KIAA1614: variants seen among roughly 807,000 people sequenced by gnomAD.
The protein encoded by KIAA1614 is KIAA1614.
In KIAA1614, 76 loss-of-function variants were observed where a neutral mutation model predicts 88.7. The ratio of observed to expected loss-of-function variants is 0.86; its 90% CI spans 0.71 to 1.04. The LOEUF is 1.04. Ranked by LOEUF, KIAA1614 falls within the 50% of genes least tolerant of loss-of-function variation. The probability of loss-of-function intolerance (pLI) is 0.00; values close to 1 mark genes in which losing one functional copy is unlikely to be tolerated. For synonymous variants in KIAA1614, 714 were observed against 675.5 expected, an observed-to-expected ratio of 1.06 and a Z score of -0.88; for missense variants, 1,553 against 1,582.5, an observed-to-expected ratio of 0.98 and a Z score of 0.32.
Position 180,916,703 on chromosome 1 carries a change from T to A in KIAA1614, c.600T>A (p.Gly200=), listed in dbSNP as rs1044006340. Reference sequence around the variant, plus strand: ...GGACACTTCCTGACCATGACAGAGGTCCGCTGCTGGGGCCCAGCTCTTTGC... The same window carrying A: ...GGACACTTCCTGACCATGACAGAGGACCGCTGCTGGGGCCCAGCTCTTTGC... The part of the protein sequence containing the change: ...AEWTLPDHDR[G]PLLGPSSLQQ... Residue 200 remains glycine, a synonymous_variant, in exon 2 of 9, where the codon GGT becomes GGA. Coordinates refer to ENST00000367588, the MANE Select transcript of KIAA1614 (RefSeq NM_020950.2). The A allele has an allele frequency of 6.2e-6, 10 of 1,611,900 alleles. No individual in the cohort carries two copies. Among genetic ancestry groups the A allele is most frequent in the Non-Finnish European group, 8.5e-6 (10 of 1,178,842 alleles).
chr1:180,945,649 G>T lies in KIAA1614; in HGVS notation c.*61G>T. The T allele has an allele frequency of 2.0e-6, 3 of 1,506,738 alleles. No individual in the cohort carries two copies. Among genetic ancestry groups the T allele is most frequent in the Non-Finnish European group, 2.6e-6 (3 of 1,135,708 alleles). 93.3% of individuals were successfully genotyped at this position (1,506,738 alleles called of 1,614,324 possible). On this transcript the variant is annotated 3_prime_UTR_variant, in exon 9 of 9. Transcript: ENST00000367588. ...TACAGGACTAGGCTTCTCCCCTCAG[G>T]GGCTCTTTCTGAATTGTCCAGGGCT...
chr1:180,940,414 T>C (rs991188182), intron 6 of KIAA1614, among the ~76,000 whole-genome samples: 8 of 152,048 alleles, frequency 5.3e-5, no homozygotes, highest in Non-Finnish European at 7.4e-5. Context: ...GGTGGGAGAC[T>C]AGCTTGAACC....
intron 4 of KIAA1614, among the ~76,000 whole-genome samples, chr1:180,934,417 C>T (rs1040119678): frequency 6.6e-6 from 1 of 151,788 alleles, no homozygotes; most frequent in African/African-American, 2.4e-5. Context: ...AGTGAGACCT[C>T]ATCTATACAA....
In KIAA1614 at chr1:180,935,451, G is replaced by A. The variant is rs376337975; in HGVS notation, c.1542G>A (p.Arg514=). The change falls in exon 5 of 9, where the codon AGG becomes AGA. Residue 514 remains arginine (R), a synonymous_variant. Transcript: ENST00000367588. This position sits in a 1 kb window ranked among gnomAD's most constrained non-coding sequence, Gnocchi z 6.1. The stretch of plus-strand genomic sequence containing the variant: ...ACGCGGGGCAGGGGACATTCCACAG[G>A]CTTGTGGGCAGCCTGGACCGCAGGG... ...LRDAGQGTFH[R]LVGSLDRRGH... The A allele has an allele frequency of 6.8e-7, 1 of 1,473,748 alleles. No individual in the cohort carries two copies. The highest frequency in any genetic ancestry group is 8.9e-7 in the Non-Finnish European group (1 of 1,118,904). 91.3% of individuals were successfully genotyped at this position (1,473,748 alleles called of 1,614,324 possible).
Position 180,950,509 on chromosome 1 carries a change from G to A in KIAA1614, c.*4921G>A, listed in dbSNP as rs773624889. ...CAGAGAGCTTGTCAATCCGTGTCCTGAGGCAGAGACCTGTCCCACGGTGAC... is the reference window on the plus strand; with the variant it reads ...CAGAGAGCTTGTCAATCCGTGTCCTAAGGCAGAGACCTGTCCCACGGTGAC... On this transcript the variant is annotated 3_prime_UTR_variant, in exon 9 of 9. Transcript: ENST00000367588. 1.8e-5 allele frequency: 20 copies of A among 1,128,296 alleles called. No homozygotes were observed. Among genetic ancestry groups the A allele is most frequent in the Non-Finnish European group, 1.8e-5 (16 of 907,654 alleles). The allele number at this position is 1,128,296 out of a possible 1,614,324, so 69.9% of individuals were successfully genotyped here.
chr1:180,919,156 T>G (rs888100081), intron 3 of KIAA1614, among the ~76,000 whole-genome samples: 1 of 152,004 alleles, frequency 6.6e-6, no homozygotes, highest in Admixed American at 6.6e-5. Context: ...AAACACTGAG[T>G]CCACCGTAGT....
intron 5 of KIAA1614, 114 bp from the exon 6 acceptor site, chr1:180,938,441 T>C: frequency 8.3e-7 from 1 of 1,200,238 alleles, no homozygotes; most frequent in Non-Finnish European, 1.2e-6. Context: ...CTCCTTGAGC[T>C]CCACCTCTCC....
In KIAA1614 at chr1:180,916,439, C is replaced by T. The variant is rs1653800761; in HGVS notation, c.336C>T (p.Ser112=). 1.2e-6 allele frequency: 2 copies of T among 1,614,066 alleles called. No homozygotes were observed. Among genetic ancestry groups the T allele is most frequent in the Non-Finnish European group, 1.7e-6 (2 of 1,180,036 alleles). The change falls in exon 2 of 9, where the codon TCC becomes TCT. Residue 112 remains serine (S), a synonymous_variant. Transcript: ENST00000367588. ...SPCSASQEWS[S]PKKPQCRRGK... ...GCTCTGCTTCCCAAGAGTGGTCATCCCCCAAGAAACCCCAATGCAGACGAG... is the reference window on the plus strand; with the variant it reads ...GCTCTGCTTCCCAAGAGTGGTCATCTCCCAAGAAACCCCAATGCAGACGAG...
chr1:180,916,657 C>T lies in KIAA1614; in HGVS notation c.554C>T (p.Pro185Leu), dbSNP rs372280369. The change falls in exon 2 of 9, where the codon CCG becomes CTG. Residue 185 changes from proline (P) to leucine (L), a missense_variant. Transcript: ENST00000367588. ...CGTGAGTACTGCAACAGGGGGAGCC[C>T]GTGGCCTCCAGAAGCCGAATGGACA... is the stretch of plus-strand genomic sequence containing the variant. ...PGREYCNRGS[P>L]WPPEAEWTLP... 7.2e-5 allele frequency: 115 copies of T among 1,600,648 alleles called. No homozygotes were observed. Among genetic ancestry groups the T allele is most frequent in the East Asian group, 4.7e-4 (21 of 44,690 alleles).
chr1:180,938,563 C>T lies in KIAA1614; in HGVS notation c.2770C>T (p.Gln924Ter). Residue 924 changes from glutamine (Q) to a stop codon, truncating the protein, a stop_gained, in exon 6 of 9, where the codon CAG becomes TAG. Transcript: ENST00000367588. LOFTEE classifies it high-confidence loss of function. ...PLENSRDGGP[Q>*]GFLGSADVAT... is the part of the protein sequence containing the mutation. ...TGCTGTGCTTGTTTCAGGAGGACCCCAGGGCTTTCTTGGCTCAGCAGATGT... is the reference window on the plus strand; with the variant it reads ...TGCTGTGCTTGTTTCAGGAGGACCCTAGGGCTTTCTTGGCTCAGCAGATGT... 1 of 1,613,994 alleles carries T rather than the reference C, an allele frequency of 6.2e-7. No homozygotes were observed.
Position 180,916,821 on chromosome 1 carries a change from A to C in KIAA1614, c.718A>C (p.Arg240=). 6.2e-7 allele frequency: 1 copy of C among 1,614,250 alleles called. No individual in the cohort carries two copies. The highest frequency in any genetic ancestry group is 1.3e-5 in the African/African-American group (1 of 75,074). ...CCACATTCCCAGCCCAAGGACAGGA[A>C]GGTCCTACCCTTTTCCAGATGGCGT... ...IIHIPSPRTG[R]SYPFPDGVVT... Residue 240 remains arginine (R), a synonymous_variant, in exon 2 of 9, where the codon AGG becomes CGG. Coordinates refer to ENST00000367588, the MANE Select transcript of KIAA1614 (RefSeq NM_020950.2).
At chr1:180,930,929 CAGTT>C (rs1375420883) in intron 4 of KIAA1614, among the ~76,000 whole-genome samples, 1 of 152,242 alleles carries the variant, frequency 6.6e-6, no homozygotes, top group African/African-American at 2.4e-5. Context: ...CCCCAGGCCT[CAGTT>C]AGATGCAGGA....
rs1247757217 is a variant in KIAA1614 at position 180,945,497 on chromosome 1, C to T, written c.3482C>T (p.Ser1161Phe). Residue 1161 changes from serine to phenylalanine, a missense_variant, in exon 9 of 9, where the codon TCT becomes TTT. By Grantham distance (155) the Ser-to-Phe change is radical (BLOSUM62 -2). Transcript: ENST00000367588. Reference protein sequence around the residue: ...GNGRPDSGMPSPLPQPHGWGG... With the variant: ...GNGRPDSGMPFPLPQPHGWGG... Reference sequence around the variant, plus strand: ...GGGCGCCCAGACTCAGGTATGCCCTCTCCTCTTCCTCAGCCCCATGGCTGG... The same window carrying T: ...GGGCGCCCAGACTCAGGTATGCCCTTTCCTCTTCCTCAGCCCCATGGCTGG... The T allele has an allele frequency of 1.2e-6, 2 of 1,613,636 alleles. No homozygotes were observed. The highest frequency in any genetic ancestry group is 1.1e-5 in the South Asian group (1 of 91,066).
intron 3 of KIAA1614, among the ~76,000 whole-genome samples, chr1:180,920,393 T>TG (rs1037582464): frequency 6.6e-6 from 1 of 152,148 alleles, no homozygotes; most frequent in African/African-American, 2.4e-5. Flanking sequence ...CTTAGGACTT[T>TG]GGGGAGAGAA....
intron 1 of KIAA1614, among the ~76,000 whole-genome samples, chr1:180,914,319 A>G (rs60799722): frequency 0.01 from 1,562 of 152,338 alleles, 25 homozygotes; most frequent in African/African-American, 0.036. Context: ...CCATGCTGCT[A>G]AGGATCTGTG....
In KIAA1614 at chr1:180,935,217, C is replaced by A. The variant is rs1199295000; in HGVS notation, c.1308C>A (p.Ser436Arg). 1 of 1,532,920 alleles carries A rather than the reference C, an allele frequency of 6.5e-7. No homozygotes were observed. The highest frequency in any genetic ancestry group is 1.4e-5 in the African/African-American group (1 of 69,722). The allele number at this position is 1,532,920 out of a possible 1,614,324, so 95.0% of individuals were successfully genotyped here. A position where few individuals can be genotyped will look rare whatever the true frequency, so the allele number is the denominator to read the frequency against. Residue 436 changes from serine (S) to arginine (R), a missense_variant, in exon 5 of 9, where the codon AGC becomes AGA. Physicochemically the swap from Ser to Arg is moderately radical, Grantham distance 110. Coordinates refer to ENST00000367588, the MANE Select transcript of KIAA1614 (RefSeq NM_020950.2). The surrounding 1 kb of genome is among the most constrained non-coding windows in gnomAD (Gnocchi z 6.1). ...HTSDSSSGES[S>R]GGHRPRRGPS... is the part of the protein sequence containing the mutation. ...GCGATTCCTCCAGCGGAGAGTCCAG[C>A]GGTGGGCACAGGCCGAGGCGGGGCC...
At position 180,913,259 on chromosome 1, in the gene KIAA1614, GC is replaced by G; in HGVS notation, c.17del (p.Ala6GlyfsTer59). The G allele has an allele frequency of 7.9e-7, 1 of 1,261,270 alleles. No individual in the cohort carries two copies. The highest frequency in any genetic ancestry group is 3.2e-5 in the East Asian group (1 of 31,740). 78.1% of individuals were successfully genotyped at this position (1,261,270 alleles called of 1,614,324 possible). A position where few individuals can be genotyped will look rare whatever the true frequency, so the allele number is the denominator to read the frequency against. On this transcript the variant is annotated frameshift_variant, in exon 1 of 9. Coordinates refer to ENST00000367588, the MANE Select transcript of KIAA1614 (RefSeq NM_020950.2). LOFTEE classifies it high-confidence loss of function. MEGTE[A>X]AAAKPAGGSP... ...TCTCCGAGGGATGGAGGGGACAGAG[GC>G]GGCGGCGGCCAAACCCGCGGGCGGC...
At chr1:180,925,991 T>C (rs1019246324) in intron 3 of KIAA1614, among the ~76,000 whole-genome samples, 1 of 152,146 alleles carries the variant, frequency 6.6e-6, no homozygotes, top group African/African-American at 2.4e-5. Context: ...TGCTTGCAGA[T>C]GGGGAAACTG....
At chr1:180,945,221 A>G in intron 8 of KIAA1614, 82 bp from the exon 9 acceptor site, 1 of 1,438,290 alleles carries the variant, frequency 7.0e-7, no homozygotes, top group Non-Finnish European at 9.2e-7. Flanking sequence ...TCTGTGAGGC[A>G]TCGGTCATCT....
Sources: allele counts gnomAD v4.1 joint callset (sites outside exome capture counted in the v4.1 genomes callset), GRCh38; gene constraint gnomAD v4.1.1; non-coding constraint Gnocchi (gnomAD v3.1); transcripts MANE v1.5; gene names NCBI Gene and HGNC (gene_info 2026-07-23, HGNC 2026-07-21).